Variants in CD36 observed in about 807,000 individuals in gnomAD.
CD36 encodes CD36 molecule (CD36 blood group), also known as platelet glycoprotein 4.
In CD36, 119 loss-of-function variants were observed where a neutral mutation model predicts 55.2. The observed-to-expected ratio is 2.15, with a 90% CI of 1.86 to 2.51. The LOEUF is 2.51. Ranked by LOEUF, CD36 falls within the 30% of genes most tolerant of loss-of-function variation. CD36 has a pLI of 0.00. For missense variants in CD36, 819 were observed against 555.5 expected (o/e 1.47, Z -4.77); for synonymous variants, 186 against 193.6 (o/e 0.96, Z 0.33).
intron 9 of CD36, chr7:80,670,293 A>T: frequency 2.3e-6 from 1 of 440,970 alleles, no homozygotes; most frequent in East Asian, 4.8e-5. Context: ...CTTTCTAAAG[A>T]CATACAGAGA....
upstream of CD36, among the ~76,000 whole-genome samples, chr7:80,634,410 G>A (rs142740738): frequency 6.7e-4 from 102 of 151,938 alleles, no homozygotes; most frequent in African/African-American, 2.4e-3. Context: ...CTTTTAAATG[G>A]TATCTACTAC....
intron 1 of CD36, among the ~76,000 whole-genome samples, chr7:80,621,151 CTT>C (rs202080916): frequency 2.0e-5 from 3 of 151,704 alleles, no homozygotes; most frequent in Non-Finnish European, 4.4e-5. Flanking sequence ...TAATTGTTAG[CTT>C]TTTTTTAGCA....
chr7:80,646,725 CT>C lies in CD36; in HGVS notation c.-15del. On this transcript the variant is annotated 5_prime_UTR_variant, in exon 3 of 15. Transcript: ENST00000447544. ...AAACAGGTGCTTAACACTAATTCAC[CT>C]CCTGAACAAGAAAAATGGGCTGTGA... 1 of 1,613,742 alleles carries C rather than the reference CT, an allele frequency of 6.2e-7. No individual in the cohort carries two copies. Among genetic ancestry groups the C allele is most frequent in the Non-Finnish European group, 8.5e-7 (1 of 1,179,818 alleles).
At chr7:80,647,729 G>T (rs1256459884) in intron 3 of CD36, among the ~76,000 whole-genome samples, 3 of 152,164 alleles carry the variant, frequency 2.0e-5, no homozygotes, top group African/African-American at 7.2e-5. Context: ...CCAAGAACAA[G>T]ATAAAATGAA....
chr7:80,666,373 T>C, intron 7 of CD36, 70 bp from the exon 8 acceptor site: 1 of 993,364 alleles, frequency 1.0e-6, no homozygotes, highest in Non-Finnish European at 1.6e-6. Flanking sequence ...TGAATTATAA[T>C]AGAAAAAGTA....
At chr7:80,673,434 T>TTAAAAACAACCTTCTTTGTATATAAA (rs1179534532) in intron 13 of CD36, 25 bp downstream of exon 13, 14 of 1,392,018 alleles carry the variant, frequency 1.0e-5, no homozygotes, top group Non-Finnish European at 1.4e-5. Context: ...CTGTTAGTCA[T>TTAAAAACAACCTTCTTTGTATATAAA]TAAAAACAAC....
At chr7:80,669,596 TC>T (rs1797451790) in intron 8 of CD36, among the ~76,000 whole-genome samples, 1 of 151,818 alleles carries the variant, frequency 6.6e-6, no homozygotes, top group African/African-American at 2.4e-5. Context: ...GGCAGGCCTA[TC>T]CTGCCTCAGG....
intron 1 of CD36, among the ~76,000 whole-genome samples, chr7:80,644,303 C>T (rs138726953): frequency 2.0e-5 from 3 of 152,180 alleles, no homozygotes; most frequent in African/African-American, 7.2e-5. Context: ...CAGAAAATTC[C>T]ACAGGAAAAA....
Position 80,674,140 on chromosome 7 carries a change from T to C in CD36, c.1412T>C (p.Ile471Thr). 6.2e-7 allele frequency: 1 copy of C among 1,608,406 alleles called. No individual in the cohort carries two copies. The highest frequency in any genetic ancestry group is 8.5e-7 in the Non-Finnish European group (1 of 1,175,990). The change falls in exon 14 of 15, where the codon ATA (isoleucine) becomes ACA (threonine). Residue 471 changes from isoleucine (I) to threonine (T), a missense_variant. Physicochemically the swap from Ile to Thr is moderately conservative, Grantham distance 89. Transcript: ENST00000447544. ...ISYCACRSKT[I>T]K is the part of the protein sequence containing the mutation. ...TATTGTGCATGCAGATCGAAAACAA[T>C]AAAATAAGTAAGTATGTACCAAAAA... is the stretch of plus-strand genomic sequence containing the variant.
At chr7:80,648,966 A>G (rs1795389590) in intron 3 of CD36, among the ~76,000 whole-genome samples, 1 of 152,144 alleles carries the variant, frequency 6.6e-6, no homozygotes, top group African/African-American at 2.4e-5. Flanking sequence ...AGAAGTTAAC[A>G]TGGGGTTAGA....
chr7:80,665,829 T>C (rs1276680943), intron 7 of CD36: 1 of 152,180 alleles, frequency 6.6e-6, no homozygotes, highest in East Asian at 1.9e-4. Flanking sequence ...ACTATTACTA[T>C]TGTTTTTATC....
At position 80,619,653 on chromosome 7, in the gene CD36, G is replaced by GAAA. The variant is rs34516458; in HGVS notation, c.-184+17289_-184+17291dup. 1.6e-3 allele frequency among the ~76,000 whole-genome samples: 200 copies of GAAA among 125,944 alleles called. 3 individuals are homozygous for GAAA. Among genetic ancestry groups the GAAA allele is most frequent in the African/African-American group, 4.5e-3 (147 of 33,010 alleles). 82.6% of individuals were successfully genotyped at this position (125,944 alleles called of 152,430 possible). ...CAGAGTAAGACTCTGTCTCAAAACA[G>GAAA]AAAAAAAAAAAAAAAAAGGCTATAA... On this transcript the variant is annotated intron_variant, in intron 1 of 13. Coordinates refer to the CD36 transcript ENST00000309881.
intron 13 of CD36, 58 bp downstream of exon 13, chr7:80,673,467 C>T (rs1177448520): frequency 1.1e-6 from 1 of 951,320 alleles, no homozygotes; most frequent in Middle Eastern, 2.2e-4. Context: ...TAAACAAGCT[C>T]TTGATGTTTC....
chr7:80,646,829 G>T lies in CD36; in HGVS notation c.89G>T (p.Gly30Val), dbSNP rs762752772. 3.7e-6 allele frequency: 6 copies of T among 1,613,872 alleles called. No homozygotes were observed. The South Asian group carries it at 6.6e-5, about 18-fold the overall frequency. Residue 30 changes from glycine (G) to valine (V), a missense_variant, in exon 3 of 15, where the codon GGA (glycine) becomes GTA (valine). By Grantham distance (109) the Gly-to-Val change is moderately radical. Coordinates refer to ENST00000447544, the MANE Select transcript of CD36 (RefSeq NM_001001548.3). ...AVFGGILMPVGDLLIQKTIKK... is the reference protein window; with the variant it reads ...AVFGGILMPVVDLLIQKTIKK... The stretch of plus-strand genomic sequence containing the variant: ...TTTGGAGGTATTCTAATGCCAGTTG[G>T]AGACCTGCTTATCCAGAAGACAATT...
intron 1 of CD36, among the ~76,000 whole-genome samples, chr7:80,604,938 C>A (rs747989435): frequency 7.2e-5 from 11 of 151,990 alleles, no homozygotes; most frequent in Non-Finnish European, 1.3e-4. Flanking sequence ...TTCCTTTGGT[C>A]CCATGTTGGA....
Position 80,673,927 on chromosome 7 carries a change from GTTTAT to G in CD36, c.1255-52_1255-48del, listed in dbSNP as rs779105253. 802 of 1,327,678 alleles carry G rather than the reference GTTTAT, an allele frequency of 6.0e-4. 9 individuals carry two copies. In the Middle Eastern group the frequency reaches 0.013, roughly 21 times the overall value. The allele number at this position is 1,327,678 out of a possible 1,614,324, so 82.2% of individuals were successfully genotyped here. A position where few individuals can be genotyped will look rare whatever the true frequency, so the allele number is the denominator to read the frequency against. On this transcript the variant is annotated intron_variant, in intron 13 of 14. Coordinates refer to ENST00000447544, the MANE Select transcript of CD36 (RefSeq NM_001001548.3). ...AAAAAGGGTGATAGGCAATTGAAGG[GTTTAT>G]TTTGTTTTACTAACGTACCCAAATA...
chr7:80,633,908 G>C (rs933931501), upstream of CD36, among the ~76,000 whole-genome samples: 1 of 151,946 alleles, frequency 6.6e-6, no homozygotes, highest in Non-Finnish European at 1.5e-5. Context: ...TAATTCTGTT[G>C]ATTGCCACCT....
intron 1 of CD36, among the ~76,000 whole-genome samples, chr7:80,626,480 A>G (rs1396565749): frequency 1.3e-5 from 2 of 152,128 alleles, no homozygotes; most frequent in Non-Finnish European, 2.9e-5. Flanking sequence ...TATTTAAAGC[A>G]TGAGAAAACA....
chr7:80,657,373 T>A (rs1354118697), intron 4 of CD36, among the ~76,000 whole-genome samples: 1 of 152,224 alleles, frequency 6.6e-6, no homozygotes, highest in East Asian at 1.9e-4. Flanking sequence ...CATATAGATG[T>A]TTACATTGAT....
Sources: gnomAD v4.1 joint callset for allele counts (sites outside exome capture counted in the v4.1 genomes callset) on GRCh38, gnomAD v4.1.1 for gene constraint, MANE v1.5 for transcripts, NCBI Gene and HGNC (gene_info 2026-07-23, HGNC 2026-07-21) for gene names.